Variants in ACSS2 observed in about 807,000 individuals in gnomAD.
The protein encoded by ACSS2 is acetyl-coenzyme A synthetase, cytoplasmic.
A neutral mutation model predicts 90.6 loss-of-function variants in ACSS2; 58 were observed. The observed-to-expected ratio is 0.64, with a 90% CI of 0.52 to 0.80. The LOEUF (loss-of-function observed/expected upper bound fraction) is 0.80. Ranked by LOEUF, ACSS2 falls within the 30% of genes least tolerant of loss-of-function variation. ACSS2 has a pLI of 0.00. For synonymous variants in ACSS2, 300 were observed against 330.9 expected (o/e 0.91, Z 1.01); for missense variants, 759 against 912.0 (o/e 0.83, Z 2.16).
chr20:34,920,989 C>T lies in ACSS2; in HGVS notation c.1144-17C>T. ...ACTATTAGGAAAGACTGGGAATGAC[C>T]AGCCTTCATGGGTCAGTTTGAGGGG... is the stretch of plus-strand genomic sequence containing the variant. On this transcript the variant is annotated splice_polypyrimidine_tract_variant and intron_variant, in intron 9 of 17. Coordinates refer to ENST00000360596, the MANE Select transcript of ACSS2 (RefSeq NM_018677.4). 2 of 1,613,986 alleles carry T rather than the reference C, an allele frequency of 1.2e-6. No homozygotes were observed. The highest frequency in any genetic ancestry group is 1.3e-5 in the African/African-American group (1 of 75,026).
intron 2 of ACSS2, among the ~76,000 whole-genome samples, chr20:34,894,011 AGT>A (rs773538723): frequency 6.6e-6 from 1 of 152,152 alleles, no homozygotes; most frequent in Admixed American, 6.5e-5. Context: ...TGCATTTCTA[AGT>A]GTGATTTTTT....
chr20:34,919,545 C>T lies in ACSS2; in HGVS notation c.945C>T (p.Tyr315=), dbSNP rs1415962714. The T allele has an allele frequency of 3.1e-6, 5 of 1,610,538 alleles. No homozygotes were observed. The South Asian group carries it at 3.3e-5, about 11-fold the overall frequency. Residue 315 remains tyrosine, a synonymous_variant, in exon 8 of 18, where the codon TAC becomes TAT. Coordinates refer to ENST00000360596, the MANE Select transcript of ACSS2 (RefSeq NM_018677.4). ...CDAEDPLFIL[Y]TSGSTGKPKG... ...CCGAGGACCCACTCTTCATCCTGTA[C>T]ACCAGTGGCTCCACAGGCAAACCCA...
intron 7 of ACSS2, among the ~76,000 whole-genome samples, chr20:34,916,017 G>A (rs1009292810): frequency 4.6e-5 from 7 of 152,126 alleles, no homozygotes; most frequent in African/African-American, 1.7e-4. Flanking sequence ...AACACATAAA[G>A]CTCACTATTC....
rs774600970 is a variant in ACSS2 at position 34,925,706 on chromosome 20, C to A, written c.1666C>A (p.Arg556=). The change falls in exon 15 of 18, where the codon CGG becomes AGG. Residue 556 remains arginine (R), a synonymous_variant. Coordinates refer to ENST00000360596, the MANE Select transcript of ACSS2 (RefSeq NM_018677.4). ...GYYVTGDGCQ[R]DQDGYYWITG... is the part of the protein sequence containing the mutation. ...TTTGCATTTCTTCCCAGGCTGCCAG[C>A]GGGACCAGGATGGCTATTACTGGAT... The A allele has an allele frequency of 4.3e-6, 7 of 1,613,180 alleles. No individual in the cohort carries two copies. The highest frequency in any genetic ancestry group is 2.2e-5 in the East Asian group (1 of 44,864).
intron 1 of ACSS2, among the ~76,000 whole-genome samples, chr20:34,882,359 C>T (rs1601282262): frequency 6.6e-6 from 1 of 152,150 alleles, no homozygotes; most frequent in Non-Finnish European, 1.5e-5. Context: ...CGCGGTGGCT[C>T]AAGCCTGTAA....
chr20:34,882,938 T>C lies in ACSS2; in HGVS notation c.323T>C (p.Leu108Pro). The C allele has an allele frequency of 1.2e-6, 2 of 1,611,620 alleles. No individual in the cohort carries two copies. Among genetic ancestry groups the C allele is most frequent in the Non-Finnish European group, 1.7e-6 (2 of 1,179,364 alleles). ...GATTNICYNV[L>P]DRNVHEKKLG... is the part of the protein sequence containing the mutation. ...ACTACCAACATCTGCTACAATGTAC[T>C]GGATCGAAATGTCCATGAGAAAAAG... Residue 108 changes from leucine (L) to proline (P), a missense_variant, in exon 2 of 18, where the codon CTG becomes CCG. Leu to Pro is a moderately conservative substitution (Grantham distance 98). Transcript: ENST00000360596.
chr20:34,914,533 T>G, intron 7 of ACSS2, 96 bp downstream of exon 7: 1 of 1,088,952 alleles, frequency 9.2e-7, no homozygotes, highest in Admixed American at 2.7e-5. Context: ...TGCTCATCAG[T>G]ATACTGAGGA....
chr20:34,925,706 C>T lies in ACSS2; in HGVS notation c.1666C>T (p.Arg556Trp), dbSNP rs774600970. The change falls in exon 15 of 18, where the codon CGG (arginine) becomes TGG (tryptophan). Residue 556 changes from arginine (R) to tryptophan (W), a missense_variant. Arg to Trp is a moderately radical substitution (Grantham distance 101). Transcript: ENST00000360596. Reference protein sequence around the residue: ...GYYVTGDGCQRDQDGYYWITG... With the variant: ...GYYVTGDGCQWDQDGYYWITG... ...TTTGCATTTCTTCCCAGGCTGCCAG[C>T]GGGACCAGGATGGCTATTACTGGAT... The T allele has an allele frequency of 6.2e-6, 10 of 1,613,062 alleles. No individual in the cohort carries two copies. The highest frequency in any genetic ancestry group is 3.3e-5 in the South Asian group (3 of 90,804).
chr20:34,880,034 T>G (rs1253120005), intron 1 of ACSS2, among the ~76,000 whole-genome samples: 1 of 152,228 alleles, frequency 6.6e-6, no homozygotes, highest in African/African-American at 2.4e-5. Flanking sequence ...ATACTAGCTC[T>G]CATTTGCTTT....
rs1243022183 is a variant in ACSS2 at position 34,882,895 on chromosome 20, G to A, written c.280G>A (p.Glu94Lys). The A allele has an allele frequency of 2.5e-6, 4 of 1,613,784 alleles. No individual in the cohort carries two copies. The highest frequency in any genetic ancestry group is 3.4e-6 in the Non-Finnish European group (4 of 1,179,940). Residue 94 changes from glutamate (E) to lysine (K), a missense_variant, in exon 2 of 18, where the codon GAG becomes AAG. Physicochemically the swap from Glu to Lys is moderately conservative, Grantham distance 56. Transcript: ENST00000360596. ...TGTGACTAAAGGGAAAATCTTCATT[G>A]AGTGGATGAAAGGAGCAACTACCAA... ...FDVTKGKIFIEWMKGATTNIC... is the reference protein window; with the variant it reads ...FDVTKGKIFIKWMKGATTNIC...
chr20:34,884,719 T>C (rs1568963663), intron 2 of ACSS2, among the ~76,000 whole-genome samples: 1 of 152,216 alleles, frequency 6.6e-6, no homozygotes, highest in Non-Finnish European at 1.5e-5. Context: ...CAGCCAACAC[T>C]TGGGCTCATT....
At chr20:34,890,531 G>T (rs1281664186) in intron 2 of ACSS2, among the ~76,000 whole-genome samples, 3 of 152,118 alleles carry the variant, frequency 2.0e-5, no homozygotes, top group African/African-American at 7.2e-5. Flanking sequence ...TTAAGTAAAA[G>T]GTTTATAAGG....
chr20:34,908,887 C>T (rs1165218321), intron 2 of ACSS2: 11 of 409,228 alleles, frequency 2.7e-5, no homozygotes, highest in South Asian at 2.0e-4. Context: ...AAAAAGCACA[C>T]ATCTCTTGAA....
At chr20:34,875,306 C>T (rs1479594332), upstream of ACSS2, among the ~76,000 whole-genome samples, 4 of 152,126 alleles carry the variant, frequency 2.6e-5, no homozygotes, top group East Asian at 1.9e-4. Flanking sequence ...TGGTGGCTCA[C>T]GCCTGTAATC....
chr20:34,899,427 C>CTTTCT (rs1568977263), intron 2 of ACSS2, among the ~76,000 whole-genome samples: 24,370 of 113,800 alleles, frequency 0.21, 3,052 homozygotes, highest in Non-Finnish European at 0.28. Context: ...TCTTTCTTTC[C>CTTTCT]TTCCTTCCTT....
upstream of ACSS2, among the ~76,000 whole-genome samples, chr20:34,875,293 G>C (rs563024951): frequency 2.0e-5 from 3 of 152,336 alleles, no homozygotes; most frequent in East Asian, 5.8e-4. Context: ...TGTGGGCCAG[G>C]TGTGGTGGCT....
chr20:34,877,787 C>A (rs2079954240), intron 1 of ACSS2, among the ~76,000 whole-genome samples: 1 of 139,150 alleles, frequency 7.2e-6, no homozygotes, highest in Non-Finnish European at 1.5e-5. Context: ...CCACTGCACT[C>A]CAGCCTGGGC....
At chr20:34,877,528 G>A (rs575145109) in intron 1 of ACSS2, among the ~76,000 whole-genome samples, 2 of 152,134 alleles carry the variant, frequency 1.3e-5, no homozygotes, top group East Asian at 1.9e-4. Flanking sequence ...AAATGTATGA[G>A]GAAAATCGGC....
Position 34,921,356 on chromosome 20 carries a change from T to C in ACSS2, c.1304T>C (p.Leu435Ser), listed in dbSNP as rs769832485. Residue 435 changes from leucine to serine, a missense_variant, in exon 11 of 18, where the codon TTA becomes TCA. Transcript: ENST00000360596. Reference sequence around the variant, plus strand: ...CATAGCCGGGCATCCTTGCAGGTGTTAGGCACAGTGGGTGAACCCATCAAC... The same window carrying C: ...CATAGCCGGGCATCCTTGCAGGTGTCAGGCACAGTGGGTGAACCCATCAAC... Reference protein sequence around the residue: ...TKHSRASLQVLGTVGEPINPE... With the variant: ...TKHSRASLQVSGTVGEPINPE... 1 of 1,614,198 alleles carries C rather than the reference T, an allele frequency of 6.2e-7. No individual in the cohort carries two copies. The highest frequency in any genetic ancestry group is 2.2e-5 in the East Asian group (1 of 44,882).
Sources: gnomAD v4.1 joint callset for allele counts (sites outside exome capture counted in the v4.1 genomes callset) on GRCh38, gnomAD v4.1.1 for gene constraint, MANE v1.5 for transcripts, NCBI Gene and HGNC (gene_info 2026-07-23, HGNC 2026-07-21) for gene names.